Variants in DCC observed in about 807,000 individuals in gnomAD.
DCC encodes the protein netrin receptor DCC.
A neutral mutation model predicts 172.5 loss-of-function variants in DCC; 58 were observed. That is an observed-to-expected ratio of 0.34 (90% CI 0.27 to 0.42). DCC has a LOEUF of 0.42. DCC is among the 10% of genes least tolerant of loss of function. The probability of loss-of-function intolerance (pLI) is 1.00; values close to 1 mark genes in which losing one functional copy is unlikely to be tolerated. For missense variants in DCC, 1,740 were observed against 1,791.0 expected, an observed-to-expected ratio of 0.97 and a Z score of 0.51; for synonymous variants, 709 against 644.5, an observed-to-expected ratio of 1.10 and a Z score of -1.52.
chr18:53,487,765 A>G (rs2045918480), intron 26 of DCC, among the ~76,000 whole-genome samples: 1 of 152,176 alleles, frequency 6.6e-6, no homozygotes, highest in Non-Finnish European at 1.5e-5. Flanking sequence ...GGCATCAAAG[A>G]TCTGCCAAGG....
chr18:53,139,737 G>T (rs1429757640), intron 7 of DCC, among the ~76,000 whole-genome samples: 4 of 151,640 alleles, frequency 2.6e-5, no homozygotes, highest in Admixed American at 1.3e-4. Context: ...GTATGTGGCA[G>T]AGGCAGTTTG....
intron 1 of DCC, among the ~76,000 whole-genome samples, chr18:52,459,931 ACAC>A (rs1393990589): frequency 2.6e-5 from 4 of 151,868 alleles, no homozygotes; most frequent in Non-Finnish European, 5.9e-5. Context: ...ATATATATAC[ACAC>A]CACATTTTCT....
intron 2 of DCC, among the ~76,000 whole-genome samples, chr18:52,833,176 T>G (rs1251654768): frequency 6.6e-6 from 1 of 152,086 alleles, no homozygotes; most frequent in Non-Finnish European, 1.5e-5. Context: ...CCACGTTAAT[T>G]ACCTCCACTT....
In DCC at chr18:53,002,648, ATATTTATT is replaced by A. The variant is rs140854233; in HGVS notation, c.986-60643_986-60636del. Reference sequence around the variant, plus strand: ...AATTTTGATAATAAGCACATGCCAGATATTTATTTATTTATTTATTTTATTATACTTTA... The same window carrying A: ...AATTTTGATAATAAGCACATGCCAGATATTTATTTATTTTATTATACTTTA... On this transcript the variant is annotated intron_variant, in intron 5 of 28. Transcript: ENST00000442544. 6.6e-5 allele frequency among the ~76,000 whole-genome samples: 10 copies of A among 151,680 alleles called. No homozygotes were observed. The East Asian group carries it at 1.7e-3, about 26-fold the overall frequency.
intron 12 of DCC, among the ~76,000 whole-genome samples, chr18:53,232,432 T>C (rs1025313583): frequency 6.6e-6 from 1 of 152,172 alleles, no homozygotes; most frequent in Non-Finnish European, 1.5e-5. Flanking sequence ...GGACTTATTA[T>C]GGATCTGATT....
At chr18:52,801,604 T>C (rs2037986469) in intron 2 of DCC, among the ~76,000 whole-genome samples, 1 of 152,246 alleles carries the variant, frequency 6.6e-6, no homozygotes, top group Admixed American at 6.5e-5. Flanking sequence ...TTTATCCTCT[T>C]GGACTTCTCA....
At chr18:53,488,272 G>A (rs1438155770) in intron 26 of DCC, among the ~76,000 whole-genome samples, 2 of 152,282 alleles carry the variant, frequency 1.3e-5, no homozygotes, top group South Asian at 2.1e-4. Flanking sequence ...CTATTTGGGA[G>A]GCTGAGGCAT....
intron 1 of DCC, among the ~76,000 whole-genome samples, chr18:52,453,250 C>T (rs1220664113): frequency 6.6e-6 from 1 of 152,230 alleles, no homozygotes; most frequent in Admixed American, 6.5e-5. Context: ...AGTCAAAGCA[C>T]AGATCCATTA....
At chr18:52,928,458 C>A (rs1170720190) in intron 5 of DCC, among the ~76,000 whole-genome samples, 1 of 152,068 alleles carries the variant, frequency 6.6e-6, no homozygotes, top group Admixed American at 6.6e-5. Context: ...AAATTGACAA[C>A]ATAAATTAAC....
chr18:53,299,010 G>C (rs950312575), intron 12 of DCC, among the ~76,000 whole-genome samples: 6 of 152,042 alleles, frequency 3.9e-5, no homozygotes, highest in Non-Finnish European at 8.8e-5. Flanking sequence ...GATAATATCT[G>C]CCATTTCACC....
chr18:52,951,461 G>C (rs1490958000), intron 5 of DCC, among the ~76,000 whole-genome samples: 1 of 152,032 alleles, frequency 6.6e-6, no homozygotes, highest in Admixed American at 6.5e-5. Context: ...AGGTCCCGGT[G>C]TGTGATATTC....
At chr18:53,224,483 C>T (rs1299557982) in intron 12 of DCC, among the ~76,000 whole-genome samples, 1 of 152,122 alleles carries the variant, frequency 6.6e-6, no homozygotes, top group Non-Finnish European at 1.5e-5. Context: ...TAATCAGATT[C>T]ACCTTTTTTA....
intron 19 of DCC, among the ~76,000 whole-genome samples, chr18:53,408,053 A>G (rs1459792627): frequency 6.6e-6 from 1 of 152,174 alleles, no homozygotes; most frequent in African/African-American, 2.4e-5. Flanking sequence ...AGATATTCAT[A>G]TTTTCATCAT....
chr18:53,378,628 C>G (rs1352957402), intron 15 of DCC, among the ~76,000 whole-genome samples: 1 of 152,210 alleles, frequency 6.6e-6, no homozygotes, highest in Non-Finnish European at 1.5e-5. Flanking sequence ...GTGTCTCATA[C>G]ATTCAGCAAT....
chr18:52,583,062 T>A (rs2033590131), intron 1 of DCC, among the ~76,000 whole-genome samples: 1 of 152,172 alleles, frequency 6.6e-6, no homozygotes, highest in Non-Finnish European at 1.5e-5. Flanking sequence ...CCTCTTTCTA[T>A]ATTGGCTCTC....
intron 2 of DCC, among the ~76,000 whole-genome samples, chr18:52,788,775 A>G (rs2037707976): frequency 6.6e-6 from 1 of 152,166 alleles, no homozygotes; most frequent in African/African-American, 2.4e-5. Flanking sequence ...AGGGCATAAA[A>G]AACAGGCACA....
intron 1 of DCC, among the ~76,000 whole-genome samples, chr18:52,348,709 G>A (rs1051771701): frequency 6.6e-6 from 1 of 152,172 alleles, no homozygotes; most frequent in Non-Finnish European, 1.5e-5. Flanking sequence ...AGGCATAGAT[G>A]TTATCAGTAG....
chr18:52,903,070 A>T (rs2039832670), intron 2 of DCC, among the ~76,000 whole-genome samples: 1 of 152,248 alleles, frequency 6.6e-6, no homozygotes. Flanking sequence ...GATGAAGTTT[A>T]CATAGGAAAC....
At chr18:53,322,709 A>T (rs1353717256) in intron 14 of DCC, among the ~76,000 whole-genome samples, 1 of 151,670 alleles carries the variant, frequency 6.6e-6, no homozygotes, top group East Asian at 1.9e-4. Flanking sequence ...AGATTTATAT[A>T]TTAATAAATT....
Sources: gnomAD v4.1 joint callset for allele counts (sites outside exome capture counted in the v4.1 genomes callset) on GRCh38, gnomAD v4.1.1 for gene constraint, MANE v1.5 for transcripts, NCBI Gene and HGNC (gene_info 2026-07-23, HGNC 2026-07-21) for gene names.